Variants in MTMR3 observed in about 807,000 individuals in gnomAD.
MTMR3 encodes the protein myotubularin related protein 3.
In MTMR3, 32 loss-of-function variants were observed where a neutral mutation model predicts 132.4. The observed-to-expected ratio is 0.24, with a 90% CI of 0.18 to 0.32. The LOEUF (loss-of-function observed/expected upper bound fraction) is 0.32, where lower values mean the gene tolerates loss of function less well. Among genes scored for constraint, MTMR3 ranks in the 10% least tolerant of loss-of-function variants. MTMR3 has a pLI of 1.00. For synonymous variants in MTMR3, 556 were observed against 550.3 expected (o/e 1.01, Z -0.14); for missense variants, 1,216 against 1,489.6 (o/e 0.82, Z 3.02).
At chr22:29,899,242 G>A (rs1244352072) in intron 1 of MTMR3, among the ~76,000 whole-genome samples, 1 of 152,014 alleles carries the variant, frequency 6.6e-6, no homozygotes, top group Non-Finnish European at 1.5e-5. Flanking sequence ...CTATTCTTTG[G>A]AAATTTTGCT....
At chr22:29,984,383 T>C (rs2066815595) in intron 5 of MTMR3, 1 of 152,260 alleles carries the variant, frequency 6.6e-6, no homozygotes, top group Admixed American at 6.5e-5. Flanking sequence ...TAGGGTATGA[T>C]GGCATCAGTT....
intron 1 of MTMR3, among the ~76,000 whole-genome samples, chr22:29,917,154 C>T (rs1303413546): frequency 6.6e-6 from 1 of 152,134 alleles, no homozygotes; most frequent in Non-Finnish European, 1.5e-5. Flanking sequence ...TTGTAAATGG[C>T]TATTTTTCAT....
chr22:29,968,345 T>G (rs2066470294), intron 2 of MTMR3, among the ~76,000 whole-genome samples: 1 of 152,234 alleles, frequency 6.6e-6, no homozygotes, highest in African/African-American at 2.4e-5. Context: ...TACAGCAGTT[T>G]GAATGTGTCA....
At chr22:29,884,195 C>T (rs895482016) in intron 1 of MTMR3, among the ~76,000 whole-genome samples, 27 of 152,104 alleles carry the variant, frequency 1.8e-4, no homozygotes, top group African/African-American at 4.8e-4. Context: ...CCTTTCCAGA[C>T]CCAGGCCTAA....
At chr22:29,948,092 G>T (rs1226360077) in intron 1 of MTMR3, among the ~76,000 whole-genome samples, 2 of 152,254 alleles carry the variant, frequency 1.3e-5, no homozygotes, top group Admixed American at 1.3e-4. Flanking sequence ...TAGAAGAGGG[G>T]ATTATTTTCA....
chr22:30,017,876 C>G (rs887816318), intron 15 of MTMR3, 51 bp from the exon 16 acceptor site: 1 of 1,608,084 alleles, frequency 6.2e-7, no homozygotes, highest in Non-Finnish European at 8.5e-7. Context: ...TCCAGACATC[C>G]TAGAAGACTT....
At chr22:29,959,461 C>T (rs1268929388) in intron 2 of MTMR3, among the ~76,000 whole-genome samples, 1 of 152,150 alleles carries the variant, frequency 6.6e-6, no homozygotes, top group East Asian at 1.9e-4. Context: ...TCACTGCAGC[C>T]TCCACCTGCT....
intron 1 of MTMR3, among the ~76,000 whole-genome samples, chr22:29,917,117 G>A (rs1295084088): frequency 6.6e-6 from 1 of 152,178 alleles, no homozygotes; most frequent in African/African-American, 2.4e-5. Context: ...TTGAAAACCT[G>A]CTTTAACATT....
At position 29,960,974 on chromosome 22, in the gene MTMR3, G is replaced by T. The variant is rs1429168198; in HGVS notation, c.-85+3886G>T. ...TTGCTGCTCCCACTCTCTTCCCTAG[G>T]AAGGTAGATTGTTAACCATTATATA... On this transcript the variant is annotated intron_variant, in intron 2 of 19. Transcript: ENST00000401950. Among the ~76,000 whole-genome samples, 5 of 152,132 alleles carry T rather than the reference G, an allele frequency of 3.3e-5. No individual in the cohort carries two copies. In the South Asian group the frequency reaches 1.0e-3, roughly 32 times the overall value.
At chr22:29,945,866 T>C (rs1263705468) in intron 1 of MTMR3, among the ~76,000 whole-genome samples, 2 of 152,154 alleles carry the variant, frequency 1.3e-5, no homozygotes, top group Non-Finnish European at 2.9e-5. Context: ...TCCCAACTTG[T>C]TTAATTTGGA....
chr22:29,907,627 A>G (rs553648786), intron 1 of MTMR3, among the ~76,000 whole-genome samples: 2 of 152,316 alleles, frequency 1.3e-5, no homozygotes, highest in East Asian at 1.9e-4. Flanking sequence ...ACCCATTTGC[A>G]TAAAATCTAC....
At chr22:29,993,624 G>A (rs1471648471) in intron 7 of MTMR3, 2 of 152,200 alleles carry the variant, frequency 1.3e-5, no homozygotes, top group Admixed American at 6.5e-5. Context: ...CACAACCACA[G>A]ACTGAAAAGT....
chr22:29,938,611 C>G (rs1177063395), intron 1 of MTMR3, among the ~76,000 whole-genome samples: 1 of 152,064 alleles, frequency 6.6e-6, no homozygotes, highest in African/African-American at 2.4e-5. Flanking sequence ...TATTTGGGGA[C>G]TTCCCTCAGC....
chr22:29,913,222 TG>T (rs1235613957), intron 1 of MTMR3, among the ~76,000 whole-genome samples: 5 of 152,158 alleles, frequency 3.3e-5, no homozygotes, highest in Admixed American at 1.3e-4. Context: ...CACTCTAGCC[TG>T]GGTAACAGCG....
At chr22:29,978,192 C>T (rs1185627699) in intron 3 of MTMR3, 1 of 295,344 alleles carries the variant, frequency 3.4e-6, no homozygotes, top group South Asian at 5.0e-5. Flanking sequence ...TATTAAGAAG[C>T]TGTTAGTGCC....
rs1284022458 is a variant in MTMR3, at chr22:30,026,916, T to C, written c.*1115T>C. The C allele has an allele frequency of 6.5e-6, 1 of 152,816 alleles. No individual in the cohort carries two copies. Among genetic ancestry groups the C allele is most frequent in the African/African-American group, 2.4e-5 (1 of 41,456 alleles). The allele number at this position is 152,816 out of a possible 1,614,324, so 9.5% of individuals were successfully genotyped here. A position where few individuals can be genotyped will look rare whatever the true frequency, so the allele number is the denominator to read the frequency against. On this transcript the variant is annotated 3_prime_UTR_variant, in exon 20 of 20. Coordinates refer to ENST00000401950, the MANE Select transcript of MTMR3 (RefSeq NM_021090.4). ...GGAATAACTGCTGAGCAGTCCCCCT[T>C]TGCCACTCCTGGCTGTCTGAGTGGG...
At chr22:29,937,485 T>C (rs970291942) in intron 1 of MTMR3, among the ~76,000 whole-genome samples, 2 of 151,572 alleles carry the variant, frequency 1.3e-5, no homozygotes, top group African/African-American at 4.9e-5. Flanking sequence ...AGCACAATCA[T>C]AGCTTACTGC....
chr22:29,903,626 C>T (rs188450040), intron 1 of MTMR3, among the ~76,000 whole-genome samples: 4 of 151,932 alleles, frequency 2.6e-5, no homozygotes, highest in East Asian at 1.9e-4. Flanking sequence ...TTCCTGGGCT[C>T]GAGAGATCCG....
At chr22:29,948,651 G>T (rs1412392245) in intron 1 of MTMR3, among the ~76,000 whole-genome samples, 1 of 152,074 alleles carries the variant, frequency 6.6e-6, no homozygotes, top group Non-Finnish European at 1.5e-5. Context: ...AAGGGAGAGG[G>T]ATAATATAAA....
Sources: gnomAD v4.1 joint callset for allele counts (sites outside exome capture counted in the v4.1 genomes callset) on GRCh38, gnomAD v4.1.1 for gene constraint, MANE v1.5 for transcripts, NCBI Gene and HGNC (gene_info 2026-07-23, HGNC 2026-07-21) for gene names.